The following THSD4 variants were observed in gnomAD, a reference collection of about 807,000 sequenced individuals.
The protein encoded by THSD4 is thrombospondin type 1 domain containing 4, also known as thrombospondin type-1 domain-containing protein 4.
Under a neutral mutation model 119.0 loss-of-function variants are expected in THSD4, and 69 were observed. The ratio of observed to expected loss-of-function variants is 0.58; its 90% CI spans 0.48 to 0.71. The LOEUF is 0.71. Among genes scored for constraint, THSD4 ranks in the 30% least tolerant of loss-of-function variants. The probability of loss-of-function intolerance (pLI) is 0.00; values close to 1 mark genes in which losing one functional copy is unlikely to be tolerated. For missense variants in THSD4, 1,393 were observed against 1,391.1 expected (o/e 1.00, Z -0.02); for synonymous variants, 524 against 540.4 (o/e 0.97, Z 0.42).
At chr15:71,366,002 G>T (rs908880482) in intron 6 of THSD4, among the ~76,000 whole-genome samples, 2 of 152,158 alleles carry the variant, frequency 1.3e-5, no homozygotes, top group African/African-American at 4.8e-5. Context: ...GGTGAGAAGA[G>T]GTGGAGGTTC....
At chr15:71,314,675 C>T (rs1367618972) in intron 6 of THSD4, among the ~76,000 whole-genome samples, 3 of 152,156 alleles carry the variant, frequency 2.0e-5, no homozygotes, top group Non-Finnish European at 4.4e-5. Flanking sequence ...ATGCCTACAA[C>T]ATAATCTTAT....
intron 4 of THSD4, among the ~76,000 whole-genome samples, chr15:71,232,275 A>G (rs1297286437): frequency 6.6e-6 from 1 of 152,102 alleles, no homozygotes; most frequent in African/African-American, 2.4e-5. Flanking sequence ...GTCTCTTATG[A>G]ATTAATCCAA....
intron 7 of THSD4, among the ~76,000 whole-genome samples, chr15:71,621,243 G>A (rs1024671774): frequency 2.0e-5 from 3 of 152,082 alleles, no homozygotes; most frequent in East Asian, 1.9e-4. Flanking sequence ...ACTTAATTAC[G>A]AGTTTCTACA....
chr15:71,120,128 G>A (rs892338854), intron 1 of THSD4, among the ~76,000 whole-genome samples: 2 of 152,306 alleles, frequency 1.3e-5, no homozygotes, highest in Admixed American at 6.5e-5. Flanking sequence ...AAGGGCACAG[G>A]GCTGAATGTT....
At chr15:71,282,987 T>G (rs1163239948) in intron 6 of THSD4, among the ~76,000 whole-genome samples, 1 of 139,126 alleles carries the variant, frequency 7.2e-6, no homozygotes, top group Non-Finnish European at 1.5e-5. Flanking sequence ...TTTTTTTTTT[T>G]GAGACGGAGT....
intron 7 of THSD4, among the ~76,000 whole-genome samples, chr15:71,451,082 G>A (rs892940315): frequency 1.3e-5 from 2 of 152,168 alleles, no homozygotes; most frequent in Non-Finnish European, 2.9e-5. Context: ...GGAGGCTGAA[G>A]TGGGAGAATC....
chr15:71,411,973 T>C, intron 7 of THSD4, 150 bp downstream of exon 7: 2 of 1,014,882 alleles, frequency 2.0e-6, no homozygotes, highest in Non-Finnish European at 2.8e-6. Context: ...TGGGCTGAGA[T>C]GGGGCTGCTT....
chr15:71,334,696 G>T (rs576250788), intron 6 of THSD4, among the ~76,000 whole-genome samples: 1 of 152,300 alleles, frequency 6.6e-6, no homozygotes, highest in South Asian at 2.1e-4. Flanking sequence ...CCAAGCCTAG[G>T]AGAAGAAACA....
chr15:71,555,022 T>C (rs1344092945), intron 7 of THSD4, among the ~76,000 whole-genome samples: 1 of 152,174 alleles, frequency 6.6e-6, no homozygotes, highest in East Asian at 1.9e-4. Context: ...TCACCCTGAA[T>C]TTTATGGTTT....
intron 10 of THSD4, chr15:71,733,507 A>G (rs1490111385): frequency 6.6e-6 from 1 of 152,168 alleles, no homozygotes; most frequent in East Asian, 1.9e-4. Context: ...TTGTCCAACA[A>G]CATCTTGGAC....
At chr15:71,414,674 TATAAA>T (rs944815370) in intron 7 of THSD4, among the ~76,000 whole-genome samples, 3 of 152,216 alleles carry the variant, frequency 2.0e-5, no homozygotes, top group Admixed American at 6.5e-5. Flanking sequence ...TAGCTGATGA[TATAAA>T]AGAAAAGCAA....
intron 8 of THSD4, among the ~76,000 whole-genome samples, chr15:71,700,805 CAAT>C (rs1233176453): frequency 6.6e-6 from 1 of 151,624 alleles, no homozygotes; most frequent in Admixed American, 6.6e-5. Flanking sequence ...GGAAACAACT[CAAT>C]AATCAGCATT....
At chr15:71,579,876 T>A (rs2049525248) in intron 7 of THSD4, among the ~76,000 whole-genome samples, 1 of 152,016 alleles carries the variant, frequency 6.6e-6, no homozygotes, top group South Asian at 2.1e-4. Context: ...ACCACAAATT[T>A]AGTGGCTTAA....
chr15:71,450,535 T>C (rs1406071800), intron 7 of THSD4, among the ~76,000 whole-genome samples: 4 of 152,196 alleles, frequency 2.6e-5, no homozygotes, highest in Non-Finnish European at 4.4e-5. Flanking sequence ...GTTTCAGTTT[T>C]CTCATCTGCA....
intron 17 of THSD4, among the ~76,000 whole-genome samples, chr15:71,776,113 T>C (rs1352491250): frequency 6.6e-6 from 1 of 152,214 alleles, no homozygotes; most frequent in Non-Finnish European, 1.5e-5. Flanking sequence ...AAAGAACATT[T>C]TAAAACTTTT....
At chr15:71,350,334 C>T (rs2045728007) in intron 6 of THSD4, among the ~76,000 whole-genome samples, 1 of 151,898 alleles carries the variant, frequency 6.6e-6, no homozygotes, top group South Asian at 2.1e-4. Flanking sequence ...GTTTTTGGCA[C>T]CTTCACTTTG....
At chr15:71,224,747 C>G (rs2044000847) in intron 4 of THSD4, among the ~76,000 whole-genome samples, 1 of 152,176 alleles carries the variant, frequency 6.6e-6, no homozygotes, top group Non-Finnish European at 1.5e-5. Flanking sequence ...CTCGTGGCCC[C>G]TCCTCCCATC....
At chr15:71,214,396 G>GT (rs1002525316) in intron 3 of THSD4, among the ~76,000 whole-genome samples, 1 of 152,346 alleles carries the variant, frequency 6.6e-6, no homozygotes, top group South Asian at 2.1e-4. Flanking sequence ...TTTGTGAGCT[G>GT]TAACACTCAA....
chr15:71,601,459 A>G (rs9635373), intron 7 of THSD4, among the ~76,000 whole-genome samples: 73,324 of 152,086 alleles, frequency 0.48, 18,467 homozygotes, highest in East Asian at 0.76. Flanking sequence ...GAGCATGTCC[A>G]GGCTGCCGGA....
Sources: gnomAD v4.1 joint callset for allele counts (sites outside exome capture counted in the v4.1 genomes callset) on GRCh38, gnomAD v4.1.1 for gene constraint, MANE v1.5 for transcripts, NCBI Gene and HGNC (gene_info 2026-07-23, HGNC 2026-07-21) for gene names.